Variants in GOLPH3 observed in about 807,000 individuals in gnomAD.
GOLPH3 encodes golgi phosphoprotein 3.
A neutral mutation model predicts 28.5 loss-of-function variants in GOLPH3; 14 were observed. The observed-to-expected ratio is 0.49, with a 90% confidence interval of 0.32 to 0.77. The LOEUF (loss-of-function observed/expected upper bound fraction) is 0.77. GOLPH3 is among the 30% of genes least tolerant of loss of function. GOLPH3 has a pLI of 0.03. For missense variants in GOLPH3, 350 were observed against 393.7 expected (o/e 0.89, Z 0.94); for synonymous variants, 158 against 159.2 (o/e 0.99, Z 0.06).
chr5:32,146,424 G>T (rs758361428), intron 1 of GOLPH3, among the ~76,000 whole-genome samples: 6 of 152,094 alleles, frequency 3.9e-5, no homozygotes, highest in Non-Finnish European at 8.8e-5. Flanking sequence ...CCCCAAGTAG[G>T]CTGGGCCATA....
intron 1 of GOLPH3, among the ~76,000 whole-genome samples, chr5:32,163,033 G>C (rs1425636662): frequency 3.3e-5 from 5 of 152,170 alleles, no homozygotes; most frequent in African/African-American, 1.2e-4. Flanking sequence ...AGCCAAGATT[G>C]CACCACTGCA....
intron 1 of GOLPH3, among the ~76,000 whole-genome samples, chr5:32,166,807 T>TA (rs79462316): frequency 0.056 from 7,672 of 135,858 alleles, 328 homozygotes; most frequent in East Asian, 0.17. Context: ...GACTCCATCT[T>TA]AAAAAAAAAA....
intron 1 of GOLPH3, among the ~76,000 whole-genome samples, chr5:32,156,343 A>G (rs1369290419): frequency 2.6e-5 from 4 of 151,978 alleles, no homozygotes; most frequent in Non-Finnish European, 5.9e-5. Flanking sequence ...GTCTCTAGTA[A>G]AAATAGAAAA....
chr5:32,141,451 AG>A (rs1746057337), intron 2 of GOLPH3, among the ~76,000 whole-genome samples: 1 of 152,234 alleles, frequency 6.6e-6, no homozygotes, highest in African/African-American at 2.4e-5. Context: ...TTCAACAGAC[AG>A]GTATCTGAAA....
At chr5:32,151,024 G>A (rs546318959) in intron 1 of GOLPH3, among the ~76,000 whole-genome samples, 1 of 152,234 alleles carries the variant, frequency 6.6e-6, no homozygotes, top group Non-Finnish European at 1.5e-5. Flanking sequence ...GTAAGTACTA[G>A]AAGACAAAAT....
At chr5:32,127,769 T>A (rs764300964) in intron 3 of GOLPH3, among the ~76,000 whole-genome samples, 1 of 152,166 alleles carries the variant, frequency 6.6e-6, no homozygotes, top group Non-Finnish European at 1.5e-5. Flanking sequence ...AGGCCTATGA[T>A]GAAGTAATCA....
Position 32,126,553 on chromosome 5 carries a change from C to T in GOLPH3, c.556G>A (p.Val186Ile). ...RLAKNLVEKG[V>I]LTTEKQNFLL... ...AAGTTCTGTTTCTCTGTTGTCAATA[C>T]ACCCTTTTCCACCAGGTTTTTAGCT... Residue 186 changes from valine (V) to isoleucine (I), a missense_variant, in exon 4 of 4, where the codon GTA becomes ATA. Physicochemically the swap from Val to Ile is conservative, Grantham distance 29 (BLOSUM62 3). Coordinates refer to ENST00000265070, the MANE Select transcript of GOLPH3 (RefSeq NM_022130.4). The T allele has an allele frequency of 6.2e-7, 1 of 1,614,134 alleles. No individual in the cohort carries two copies. The highest frequency in any genetic ancestry group is 1.1e-5 in the South Asian group (1 of 91,084).
intron 1 of GOLPH3, among the ~76,000 whole-genome samples, 200 bp from the exon 2 acceptor site, chr5:32,144,080 TC>T (rs1455999319): frequency 6.6e-6 from 1 of 152,190 alleles, no homozygotes; most frequent in Non-Finnish European, 1.5e-5. Context: ...CACCACTTAT[TC>T]TTACATACAA....
intron 1 of GOLPH3, among the ~76,000 whole-genome samples, chr5:32,166,314 GA>G (rs1475518979): frequency 6.6e-6 from 1 of 152,174 alleles, no homozygotes; most frequent in African/African-American, 2.4e-5. Flanking sequence ...TACCAAACGG[GA>G]AGAGAAATAG....
Position 32,166,699 on chromosome 5 carries a change from T to G in GOLPH3, c.225+7111A>C, listed in dbSNP as rs536387186. ...GGCAGGCGCCTGTAATCCTAGCTAC[T>G]TGGGAGGCTGAGGCAGGAGAATCAC... On this transcript the variant is annotated intron_variant, in intron 1 of 3. Coordinates refer to ENST00000265070, the MANE Select transcript of GOLPH3 (RefSeq NM_022130.4). Among the ~76,000 whole-genome samples the G allele has an allele frequency of 6.6e-5, 10 of 152,034 alleles. No individual in the cohort carries two copies. The South Asian group carries it at 1.7e-3, about 25-fold the overall frequency.
At chr5:32,163,849 C>T (rs1425407541) in intron 1 of GOLPH3, among the ~76,000 whole-genome samples, 1 of 152,094 alleles carries the variant, frequency 6.6e-6, no homozygotes, top group Non-Finnish European at 1.5e-5. Flanking sequence ...AGTGACTGAA[C>T]TGAAATTTAA....
rs530569386 is a variant in GOLPH3 at position 32,150,208 on chromosome 5, G to A, written c.226-6328C>T. On this transcript the variant is annotated intron_variant, in intron 1 of 3. Transcript: ENST00000265070. ...AAGACCTTTACAACAGCAACAAAAA[G>A]AACAAAAAATACCATGGCAAAACCT... Among the ~76,000 whole-genome samples, 6 of 151,580 alleles carry A rather than the reference G, an allele frequency of 4.0e-5. No individual in the cohort carries two copies. The East Asian group carries it at 9.7e-4, about 24-fold the overall frequency.
chr5:32,149,255 G>A (rs753930285), intron 1 of GOLPH3, among the ~76,000 whole-genome samples: 8 of 152,214 alleles, frequency 5.3e-5, no homozygotes, highest in Non-Finnish European at 7.3e-5. Context: ...GAGACAGAGA[G>A]GCAGACAGGC....
At chr5:32,166,527 G>C (rs1007146136) in intron 1 of GOLPH3, among the ~76,000 whole-genome samples, 12 of 152,250 alleles carry the variant, frequency 7.9e-5, no homozygotes, top group African/African-American at 2.9e-4. Flanking sequence ...CTAAAAAGCA[G>C]CAGCATGGCC....
intron 3 of GOLPH3, 39 bp downstream of exon 3, chr5:32,135,533 A>T: frequency 8.2e-7 from 1 of 1,223,146 alleles, no homozygotes; most frequent in Non-Finnish European, 1.2e-6. Context: ...GCAATCTTTT[A>T]AACAGAAGTT....
chr5:32,125,871 A>G lies in GOLPH3; in HGVS notation c.*341T>C, dbSNP rs571039983. On this transcript the variant is annotated 3_prime_UTR_variant, in exon 4 of 4. Coordinates refer to ENST00000265070, the MANE Select transcript of GOLPH3 (RefSeq NM_022130.4). ...GCTAGATGTACATGCACATATGGAG[A>G]AACTCAAGCTGAGGTCATCCAAAAG... 3.6e-5 allele frequency: 8 copies of G among 220,306 alleles called. No individual in the cohort carries two copies. The highest frequency in any genetic ancestry group is 1.6e-4 in the African/African-American group (7 of 43,298). The allele number at this position is 220,306 out of a possible 1,614,324, so 13.6% of individuals were successfully genotyped here.
At chr5:32,161,959 A>G (rs323836) in intron 1 of GOLPH3, among the ~76,000 whole-genome samples, 145,536 of 150,826 alleles carry the variant, frequency 0.96, 70,725 homozygotes, top group South Asian at 1. Flanking sequence ...CCCGGGAGGC[A>G]GAGCTTGCAG....
chr5:32,167,522 C>T (rs1251350099), intron 1 of GOLPH3, among the ~76,000 whole-genome samples: 1 of 152,108 alleles, frequency 6.6e-6, no homozygotes, highest in Non-Finnish European at 1.5e-5. Flanking sequence ...CAAGAACTCT[C>T]AGGTAGTCCA....
chr5:32,141,947 C>G (rs570903271), intron 2 of GOLPH3, among the ~76,000 whole-genome samples: 1 of 152,126 alleles, frequency 6.6e-6, no homozygotes, highest in African/African-American at 2.4e-5. Flanking sequence ...GTGATCTCGG[C>G]TCGCTACAAC....
Sources: gnomAD v4.1 joint callset for allele counts (sites outside exome capture counted in the v4.1 genomes callset) on GRCh38, gnomAD v4.1.1 for gene constraint, MANE v1.5 for transcripts, NCBI Gene and HGNC (gene_info 2026-07-23, HGNC 2026-07-21) for gene names.